Variants in PDS5A observed in about 807,000 individuals in gnomAD.
PDS5A encodes the protein sister chromatid cohesion protein PDS5 homolog A.
PDS5A carries 42 observed loss-of-function variants against 167.1 expected under a neutral mutation model. The ratio of observed to expected loss-of-function variants is 0.25; its 90% CI spans 0.20 to 0.33. The LOEUF is 0.33. PDS5A is among the 10% of genes least tolerant of loss of function. The pLI, the probability that PDS5A is intolerant of heterozygous loss-of-function variation, is 1.00. For synonymous variants in PDS5A, 553 were observed against 554.6 expected (o/e 1.00, Z 0.04); for missense variants, 1,033 against 1,605.9 (o/e 0.64, Z 6.10).
At chr4:39,899,287 C>A (rs1722676009) in intron 14 of PDS5A, among the ~76,000 whole-genome samples, 1 of 152,138 alleles carries the variant, frequency 6.6e-6, no homozygotes. Flanking sequence ...GGAAAACCTC[C>A]TTTCTAAAAC....
chr4:39,940,836 G>T (rs746460825), intron 2 of PDS5A, among the ~76,000 whole-genome samples: 1 of 152,104 alleles, frequency 6.6e-6, no homozygotes, highest in African/African-American at 2.4e-5. Context: ...GGGTCTTGTT[G>T]TTTGTTTTTA....
intron 32 of PDS5A, chr4:39,837,575 C>T: frequency 2.9e-6 from 1 of 342,382 alleles, no homozygotes; most frequent in Non-Finnish European, 5.2e-6. Context: ...TTGAAAGGCA[C>T]TAAGCAAAAG....
chr4:39,954,670 T>TAAAAAAAAAAAAAAAAAA (rs777287409), intron 2 of PDS5A, among the ~76,000 whole-genome samples: 2 of 48,280 alleles, frequency 4.1e-5, no homozygotes, highest in African/African-American at 1.6e-4. Context: ...AAGAGATAAG[T>TAAAAAAAAAAAAAAAAAA]AAAAAAAAAA....
rs1446357515 is a variant in PDS5A at position 39,823,378 on chromosome 4, C to A, written c.*2107G>T. ...AGGAGCAAATCCTTTTAACTTCTCTCCTGCAAAAATCTAAACAGGAATATA... is the reference window on the plus strand; with the variant it reads ...AGGAGCAAATCCTTTTAACTTCTCTACTGCAAAAATCTAAACAGGAATATA... On this transcript the variant is annotated 3_prime_UTR_variant, in exon 33 of 33. Transcript: ENST00000303538. 1 of 152,200 alleles carries A rather than the reference C, an allele frequency of 6.6e-6. No homozygotes were observed. The highest frequency in any genetic ancestry group is 1.5e-5 in the Non-Finnish European group (1 of 68,046). The allele number at this position is 152,200 out of a possible 1,614,324, so 9.4% of individuals were successfully genotyped here. A position where few individuals can be genotyped will look rare whatever the true frequency, so the allele number is the denominator to read the frequency against.
At chr4:39,899,719 C>T (rs1055447651) in intron 14 of PDS5A, among the ~76,000 whole-genome samples, 12 of 151,930 alleles carry the variant, frequency 7.9e-5, no homozygotes, top group African/African-American at 2.9e-4. Flanking sequence ...TATGGTGGAG[C>T]ACACCCGTAG....
At chr4:39,917,230 T>C (rs772169804) in intron 7 of PDS5A, 42 bp from the exon 8 acceptor site, 1 of 1,297,490 alleles carries the variant, frequency 7.7e-7, no homozygotes, top group African/African-American at 1.5e-5. Context: ...ATCCAGTTCA[T>C]TTAAAAACAT....
chr4:39,848,820 G>A, intron 28 of PDS5A, 31 bp downstream of exon 28: 1 of 1,538,196 alleles, frequency 6.5e-7, no homozygotes, highest in African/African-American at 1.4e-5. Context: ...TCAGTTTAGT[G>A]TGGTAGGAAA....
intron 12 of PDS5A, 35 bp downstream of exon 12, chr4:39,904,005 T>C (rs1391226447): frequency 4.4e-6 from 6 of 1,359,358 alleles, no homozygotes; most frequent in African/African-American, 1.5e-5. Flanking sequence ...AAAGTAGTTT[T>C]ACACTCAACC....
chr4:39,901,981 A>G (rs935479654), intron 13 of PDS5A, among the ~76,000 whole-genome samples: 1 of 152,222 alleles, frequency 6.6e-6, no homozygotes, highest in Non-Finnish European at 1.5e-5. Context: ...TCATATGGCC[A>G]TCTTACACAG....
chr4:39,894,549 C>T (rs62307940), intron 16 of PDS5A, among the ~76,000 whole-genome samples: 29,288 of 152,154 alleles, frequency 0.19, 3,308 homozygotes, highest in South Asian at 0.27. Context: ...TGGTTTTCCT[C>T]CCCATGTCCT....
At chr4:39,906,343 G>A (rs1407885069) in intron 11 of PDS5A, among the ~76,000 whole-genome samples, 1 of 152,004 alleles carries the variant, frequency 6.6e-6, no homozygotes, top group Non-Finnish European at 1.5e-5. Context: ...ACTCAAGCCA[G>A]GGCAACAAAG....
chr4:39,890,406 T>C (rs1721859832), intron 16 of PDS5A, 42 bp from the exon 17 acceptor site: 1 of 1,087,814 alleles, frequency 9.2e-7, no homozygotes, highest in Non-Finnish European at 1.4e-6. Context: ...TGATTTGCTT[T>C]CATATTTTTG....
chr4:39,937,682 G>A (rs1410342016), intron 2 of PDS5A, among the ~76,000 whole-genome samples: 2 of 152,198 alleles, frequency 1.3e-5, no homozygotes, highest in African/African-American at 2.4e-5. Context: ...ACTTCCCAAA[G>A]TGGTGTAAGC....
Position 39,968,535 on chromosome 4 carries a change from C to T in PDS5A, c.138+7905G>A, listed in dbSNP as rs536026295. Among the ~76,000 whole-genome samples the T allele has an allele frequency of 6.8e-3, 1,017 of 150,492 alleles. 7 individuals are homozygous for T. Among genetic ancestry groups the T allele is most frequent in the Non-Finnish European group, 0.011 (725 of 67,716 alleles). On this transcript the variant is annotated intron_variant, in intron 2 of 32. Transcript: ENST00000303538. ...ACAACCTCCGCCTCCTGGGTTCAAG[C>T]GATTCTCCTGCCTCAGCCTCCTGAG...
chr4:39,854,353 T>C (rs1718361468), intron 26 of PDS5A, among the ~76,000 whole-genome samples: 1 of 152,170 alleles, frequency 6.6e-6, no homozygotes, highest in African/African-American at 2.4e-5. Flanking sequence ...AATTATCCCA[T>C]TGTTTTGAAG....
intron 26 of PDS5A, among the ~76,000 whole-genome samples, chr4:39,857,101 T>G (rs1441189630): frequency 6.6e-6 from 1 of 151,954 alleles, no homozygotes; most frequent in Non-Finnish European, 1.5e-5. Flanking sequence ...GCCTGTAATC[T>G]CAGCACTTTG....
intron 16 of PDS5A, among the ~76,000 whole-genome samples, chr4:39,892,854 G>C (rs185969897): frequency 2.6e-3 from 400 of 152,308 alleles, no homozygotes; most frequent in African/African-American, 9.4e-3. Flanking sequence ...CTATTTTAAA[G>C]ATGCCTACTC....
chr4:39,868,866 T>C (rs1304780339), intron 22 of PDS5A: 2 of 346,710 alleles, frequency 5.8e-6, no homozygotes, highest in East Asian at 1.6e-4. Flanking sequence ...TCAAAGAAGA[T>C]GATACAATCT....
intron 2 of PDS5A, among the ~76,000 whole-genome samples, chr4:39,937,943 G>C (rs889390089): frequency 6.6e-6 from 1 of 152,122 alleles, no homozygotes; most frequent in Admixed American, 6.6e-5. Context: ...CAGCCTAAAG[G>C]ATTCTCCATA....
Sources: allele counts gnomAD v4.1 joint callset (sites outside exome capture counted in the v4.1 genomes callset), GRCh38; gene constraint gnomAD v4.1.1; transcripts MANE v1.5; gene names NCBI Gene and HGNC (gene_info 2026-07-23, HGNC 2026-07-21).